Variants in ITSN1 observed in about 807,000 individuals in gnomAD.
ITSN1 encodes the protein intersectin 1, also known as intersectin-1.
ITSN1 carries 58 observed loss-of-function variants against 239.8 expected under a neutral mutation model. That is an observed-to-expected ratio of 0.24 (90% CI 0.20 to 0.30). The LOEUF is 0.30. Among genes scored for constraint, ITSN1 ranks in the 10% least tolerant of loss-of-function variants. The pLI is 1.00. For synonymous variants in ITSN1, 780 were observed against 770.8 expected, an observed-to-expected ratio of 1.01 and a Z score of -0.20; for missense variants, 1,558 against 2,103.3, an observed-to-expected ratio of 0.74 and a Z score of 5.07.
intron 29 of ITSN1, chr21:33,837,287 C>T: frequency 8.3e-7 from 1 of 1,199,432 alleles, no homozygotes; most frequent in East Asian, 3.6e-5. Context: ...TGACTTTCCC[C>T]CACCTTTGCA....
Position 33,834,379 on chromosome 21 carries a change from A to G in ITSN1, c.3424A>G (p.Lys1142Glu). ...AAAGCTTCTAAGCCCTGGGACGAGC[A>G]AAATCACTCCAACAGAGCCACCTAA... ...YVKLLSPGTS[K>E]ITPTEPPKST... The change falls in exon 28 of 40, where the codon AAA becomes GAA. Residue 1142 changes from lysine to glutamate, a missense_variant. This residue lies in a region of ITSN1 where 576 missense variants were observed against 893.3 expected (regional missense o/e 0.64). Coordinates refer to ENST00000381318, the MANE Select transcript of ITSN1 (RefSeq NM_003024.3). 1 of 1,613,862 alleles carries G rather than the reference A, an allele frequency of 6.2e-7. No individual in the cohort carries two copies.
intron 14 of ITSN1, among the ~76,000 whole-genome samples, chr21:33,777,956 T>C (rs562553978): frequency 0.038 from 5,714 of 152,290 alleles, 365 homozygotes; most frequent in African/African-American, 0.13. Flanking sequence ...GATGGACTTC[T>C]CCTTTTGCTG....
intron 29 of ITSN1, among the ~76,000 whole-genome samples, chr21:33,854,200 G>A (rs905535179): frequency 6.6e-6 from 1 of 152,216 alleles, no homozygotes; most frequent in African/African-American, 2.4e-5. Flanking sequence ...CAAGGCAACT[G>A]TGGGGCATCC....
intron 5 of ITSN1, among the ~76,000 whole-genome samples, chr21:33,746,055 A>G (rs1400463626): frequency 6.6e-6 from 1 of 152,196 alleles, no homozygotes; most frequent in Admixed American, 6.5e-5. Context: ...TTGGCTGACT[A>G]CTGTGCTACA....
chr21:33,829,465 A>G, intron 26 of ITSN1, 159 bp from the exon 27 acceptor site: 1 of 719,728 alleles, frequency 1.4e-6, no homozygotes, highest in Non-Finnish European at 2.3e-6. Context: ...AGCTCTGGGA[A>G]CGGGCGATTC....
intron 17 of ITSN1, among the ~76,000 whole-genome samples, chr21:33,795,017 T>C (rs527968409): frequency 6.6e-6 from 1 of 152,396 alleles, no homozygotes; most frequent in Non-Finnish European, 1.5e-5. Flanking sequence ...TGTAACTTAC[T>C]GTAGTAAATT....
At chr21:33,726,923 C>A (rs986505795) in intron 4 of ITSN1, among the ~76,000 whole-genome samples, 2 of 152,184 alleles carry the variant, frequency 1.3e-5, no homozygotes, top group Admixed American at 1.3e-4. Flanking sequence ...TTGAGTGATA[C>A]GAACTGATGG....
In ITSN1 at chr21:33,882,534, T is replaced by A; in HGVS notation, c.4554+79T>A. On this transcript the variant is annotated intron_variant, in intron 35 of 39. Transcript: ENST00000381318. The surrounding 1 kb of genome is among the most constrained non-coding windows in gnomAD (Gnocchi z 4.5). ...GAAGTTTCCAAAAAGGAGGTAGAGT[T>A]TTAGCAGGGTCAGGGGCTGTGGCAT... 1 of 1,249,672 alleles carries A rather than the reference T, an allele frequency of 8.0e-7. No homozygotes were observed. Among genetic ancestry groups the A allele is most frequent in the Non-Finnish European group, 1.1e-6 (1 of 880,080 alleles). 77.4% of individuals were successfully genotyped at this position (1,249,672 alleles called of 1,614,324 possible).
chr21:33,780,122 G>A (rs1236953682), intron 14 of ITSN1, among the ~76,000 whole-genome samples: 1 of 152,118 alleles, frequency 6.6e-6, no homozygotes. Context: ...CTCTCTTTAT[G>A]TGTCTTTTGT....
chr21:33,870,465 T>C (rs558571274), intron 33 of ITSN1, among the ~76,000 whole-genome samples: 4 of 152,290 alleles, frequency 2.6e-5, no homozygotes, highest in African/African-American at 9.6e-5. Flanking sequence ...CCAGCTGAAC[T>C]AAGAAGAGAA....
At chr21:33,838,644 C>T (rs1342622396) in intron 29 of ITSN1, 4 of 177,046 alleles carry the variant, frequency 2.3e-5, no homozygotes, top group Non-Finnish European at 4.4e-5. Flanking sequence ...AGAGGCTCGC[C>T]GAGTCTTTGT....
At chr21:33,722,959 A>G (rs893562217) in intron 4 of ITSN1, among the ~76,000 whole-genome samples, 3 of 152,200 alleles carry the variant, frequency 2.0e-5, no homozygotes, top group Admixed American at 2.0e-4. Context: ...CATATCACCC[A>G]CATTTATTTG....
At position 33,760,107 on chromosome 21, in the gene ITSN1, C is replaced by CAAAA. The variant is rs548123368; in HGVS notation, c.725-1807_725-1804dup. ...ACAGAGCGAGACCGAGACTCCATCT[C>CAAAA]AAAAAAAAAAAAGAAAAGAAAAGAA... On this transcript the variant is annotated intron_variant, in intron 8 of 39. Transcript: ENST00000381318. Among the ~76,000 whole-genome samples the CAAAA allele has an allele frequency of 7.6e-3, 938 of 123,672 alleles. 12 individuals are homozygous for CAAAA. The highest frequency in any genetic ancestry group is 0.026 in the African/African-American group (891 of 33,964). 81.1% of individuals were successfully genotyped at this position (123,672 alleles called of 152,430 possible).
intron 1 of ITSN1, among the ~76,000 whole-genome samples, chr21:33,708,478 C>T (rs1388102617): frequency 6.6e-6 from 1 of 151,952 alleles, no homozygotes; most frequent in Non-Finnish European, 1.5e-5. Flanking sequence ...AACTTCGCCT[C>T]CCAGGTTCAG....
chr21:33,747,319 TAAC>T (rs775571243), intron 5 of ITSN1, among the ~76,000 whole-genome samples: 11 of 151,942 alleles, frequency 7.2e-5, no homozygotes, highest in Non-Finnish European at 1.6e-4. Context: ...TGAAAAAAAA[TAAC>T]AAAGTTTCAG....
At chr21:33,762,102 A>G (rs570766617) in intron 9 of ITSN1, 116 bp downstream of exon 9, 16 of 770,828 alleles carry the variant, frequency 2.1e-5, no homozygotes, top group Admixed American at 3.9e-5. Flanking sequence ...GAATTTGCTT[A>G]ATTTCAGTGA....
At chr21:33,680,338 T>TTTTC (rs2090871342) in intron 1 of ITSN1, among the ~76,000 whole-genome samples, 1 of 150,062 alleles carries the variant, frequency 6.7e-6, no homozygotes, top group African/African-American at 2.4e-5. Flanking sequence ...CTTTTTTCTT[T>TTTTC]TTTTTTTTTT....
In ITSN1 at chr21:33,782,318, G is replaced by A. The variant is rs112129871; in HGVS notation, c.1824+185G>A. Among the ~76,000 whole-genome samples, 1,159 of 152,238 alleles carry A rather than the reference G, an allele frequency of 7.6e-3. 15 individuals are homozygous for A. Among genetic ancestry groups the A allele is most frequent in the African/African-American group, 0.027 (1,104 of 41,492 alleles). ...GCATCTATAAATTAGGGCTGAATGAGTGGCCCCAGCATGACATCTATTTTT... is the reference window on the plus strand; with the variant it reads ...GCATCTATAAATTAGGGCTGAATGAATGGCCCCAGCATGACATCTATTTTT... On this transcript the variant is annotated intron_variant, in intron 16 of 39. Coordinates refer to ENST00000381318, the MANE Select transcript of ITSN1 (RefSeq NM_003024.3).
chr21:33,770,145 C>A (rs948285591), intron 11 of ITSN1, among the ~76,000 whole-genome samples: 10 of 152,032 alleles, frequency 6.6e-5, no homozygotes, highest in African/African-American at 2.4e-4. Context: ...CTCACCACAA[C>A]CTCCGCCTCC....
Sources: gnomAD v4.1 joint callset for allele counts (sites outside exome capture counted in the v4.1 genomes callset) on GRCh38, gnomAD v4.1.1 for gene constraint, gnomAD v4.1.1 regional missense constraint, Gnocchi (gnomAD v3.1) non-coding constraint, MANE v1.5 for transcripts, NCBI Gene and HGNC (gene_info 2026-07-23, HGNC 2026-07-21) for gene names.